The following SAMM50 variants were observed in gnomAD, a reference collection of about 807,000 sequenced individuals.
SAMM50 encodes SAMM50 sorting and assembly machinery component, also known as sorting and assembly machinery component 50 homolog.
A neutral mutation model predicts 66.9 loss-of-function variants in SAMM50; 47 were observed. The observed-to-expected ratio is 0.70, with a 90% confidence interval of 0.56 to 0.90. The LOEUF is 0.90. Among genes scored for constraint, SAMM50 ranks in the 40% least tolerant of loss-of-function variants. The probability of loss-of-function intolerance (pLI) is 0.00; values close to 1 mark genes in which losing one functional copy is unlikely to be tolerated. For missense variants in SAMM50, 535 were observed against 595.3 expected, an observed-to-expected ratio of 0.90 and a Z score of 1.05; for synonymous variants, 191 against 214.1, an observed-to-expected ratio of 0.89 and a Z score of 0.94.
At chr22:43,975,763 A>G in intron 7 of SAMM50, 1 of 305,974 alleles carries the variant, frequency 3.3e-6, no homozygotes, top group Non-Finnish European at 6.3e-6. Flanking sequence ...TCGATGATAG[A>G]GCTGCCTGCA....
intron 14 of SAMM50, among the ~76,000 whole-genome samples, chr22:43,995,707 C>T (rs1026604870): frequency 6.6e-6 from 1 of 152,214 alleles, no homozygotes; most frequent in Non-Finnish European, 1.5e-5. Flanking sequence ...TGACTGGAGC[C>T]TCTTTGCTCC....
At chr22:43,980,919 G>T (rs1466193459) in intron 10 of SAMM50, among the ~76,000 whole-genome samples, 3 of 152,236 alleles carry the variant, frequency 2.0e-5, no homozygotes, top group Non-Finnish European at 4.4e-5. Context: ...GTCCTTGAGA[G>T]TGGGGTTGGG....
intron 1 of SAMM50, 98 bp downstream of exon 1, chr22:43,955,696 C>T (rs1322333396): frequency 1.5e-6 from 2 of 1,348,872 alleles, no homozygotes; most frequent in Non-Finnish European, 2.0e-6. Context: ...CCAGGGTTCA[C>T]CGGGAGAGAG....
At chr22:43,982,328 C>T (rs2146822346) in intron 11 of SAMM50, among the ~76,000 whole-genome samples, 1 of 152,324 alleles carries the variant, frequency 6.6e-6, no homozygotes, top group South Asian at 2.1e-4. Context: ...TTTGAAACTG[C>T]CTTATGTAAG....
intron 7 of SAMM50, chr22:43,975,637 G>A (rs2050227419): frequency 1.3e-5 from 2 of 157,066 alleles, no homozygotes; most frequent in Non-Finnish European, 1.4e-5. Context: ...GGTGCAAGTC[G>A]CTGGGTTGCC....
At chr22:43,957,416 G>T in intron 1 of SAMM50, 2 of 349,910 alleles carry the variant, frequency 5.7e-6, no homozygotes, top group South Asian at 6.4e-5. Context: ...CTTGATTAAT[G>T]GTTAATTGTA....
chr22:43,959,251 T>C (rs959866308), intron 1 of SAMM50, among the ~76,000 whole-genome samples: 1 of 152,022 alleles, frequency 6.6e-6, no homozygotes, highest in African/African-American at 2.4e-5. Context: ...ACTCCTGATC[T>C]CAGGTGATCT....
intron 13 of SAMM50, among the ~76,000 whole-genome samples, chr22:43,989,627 C>T (rs1303318322): frequency 1.3e-5 from 2 of 152,078 alleles, no homozygotes; most frequent in Admixed American, 6.6e-5. Flanking sequence ...TGTGAGCCAC[C>T]GTGCCAGGCC....
At chr22:43,955,834 T>A (rs1195115198) in intron 1 of SAMM50, among the ~76,000 whole-genome samples, 2 of 152,200 alleles carry the variant, frequency 1.3e-5, no homozygotes, top group East Asian at 3.9e-4. Flanking sequence ...ACTCGGCGAG[T>A]CCGTGGCCCA....
rs1302289440 is a variant in SAMM50, at chr22:43,968,768, T to A, written c.272T>A (p.Leu91His). 2.5e-6 allele frequency: 4 copies of A among 1,613,636 alleles called. No individual in the cohort carries two copies. Among genetic ancestry groups the A allele is most frequent in the Non-Finnish European group, 8.5e-7 (1 of 1,179,478 alleles). ...RKSHEAREKL[L>H]RLGIFRQVDV... ...TCTCATGAAGCCCGTGAAAAATTGC[T>A]CCGTCTTGGAATTTTTAGACAAGTG... is the stretch of plus-strand genomic sequence containing the variant. The change falls in exon 4 of 15, where the codon CTC (leucine) becomes CAC (histidine). Residue 91 changes from leucine (L) to histidine (H), a missense_variant. By Grantham distance (99) the Leu-to-His change is moderately conservative. Coordinates refer to ENST00000350028, the MANE Select transcript of SAMM50 (RefSeq NM_015380.5).
chr22:43,960,217 C>T (rs570425578), intron 1 of SAMM50, among the ~76,000 whole-genome samples: 1 of 152,236 alleles, frequency 6.6e-6, no homozygotes, highest in Non-Finnish European at 1.5e-5. Flanking sequence ...AAATACTGCA[C>T]AACAAAATTG....
chr22:43,993,956 T>G lies in SAMM50; in HGVS notation c.1365-2382T>G, dbSNP rs142560656. 3.3e-5 allele frequency among the ~76,000 whole-genome samples: 5 copies of G among 152,350 alleles called. No homozygotes were observed. In the East Asian group the frequency reaches 9.6e-4, roughly 29 times the overall value. The stretch of plus-strand genomic sequence containing the variant: ...CCACTGTCTCTGGGATCTAACAGCA[T>G]TCTGTCAGTTTGTGTCTTAGGAGTC... On this transcript the variant is annotated intron_variant, in intron 14 of 14. Transcript: ENST00000350028.
chr22:43,968,694 A>G (rs2050187103), intron 3 of SAMM50, 37 bp from the exon 4 acceptor site: 1 of 1,410,538 alleles, frequency 7.1e-7, no homozygotes, highest in Non-Finnish European at 1.0e-6. Flanking sequence ...GTATCGTAGA[A>G]GAATATATTC....
At chr22:43,963,556 C>T (rs1260638455) in intron 2 of SAMM50, among the ~76,000 whole-genome samples, 160 bp downstream of exon 2, 2 of 152,098 alleles carry the variant, frequency 1.3e-5, no homozygotes, top group Non-Finnish European at 2.9e-5. Context: ...CTTAGAAAAA[C>T]AGTTTCTATT....
chr22:43,992,937 T>C (rs3827385), intron 14 of SAMM50, among the ~76,000 whole-genome samples: 32,419 of 152,104 alleles, frequency 0.21, 3,650 homozygotes, highest in East Asian at 0.39. Context: ...AGTGAAAAAG[T>C]GGGCACCTTT....
At chr22:43,973,102 C>A in intron 6 of SAMM50, 101 bp downstream of exon 6, 2 of 1,438,242 alleles carry the variant, frequency 1.4e-6, no homozygotes, top group Non-Finnish European at 1.9e-6. Flanking sequence ...GCTGCCACTT[C>A]TGCAGTGACC....
Position 43,981,437 on chromosome 22 carries a change from A to T in SAMM50, c.983A>T (p.Asp328Val), listed in dbSNP as rs575124332. Residue 328 changes from aspartate (D) to valine (V), a missense_variant, in exon 11 of 15, where the codon GAT becomes GTT. Transcript: ENST00000350028. Reference sequence around the variant, plus strand: ...GGCGGAATGTTGGTACCCATTGGTGATAAGCCGTCAAGCATTGCTGATAGG... The same window carrying T: ...GGCGGAATGTTGGTACCCATTGGTGTTAAGCCGTCAAGCATTGCTGATAGG... ...FWGGMLVPIG[D>V]KPSSIADRFY... The T allele has an allele frequency of 8.7e-6, 14 of 1,613,634 alleles. No individual in the cohort carries two copies. The East Asian group carries it at 2.9e-4, about 33-fold the overall frequency.
At position 43,979,874 on chromosome 22, in the gene SAMM50, C is replaced by T. The variant is rs569726793; in HGVS notation, c.937-1517C>T. On this transcript the variant is annotated intron_variant, in intron 10 of 14. Coordinates refer to ENST00000350028, the MANE Select transcript of SAMM50 (RefSeq NM_015380.5). Reference sequence around the variant, plus strand: ...AGGCACTCGTATTCACTCTGTCTGCCGCTGGCTGTAACTCCCTTTTTTTCA... The same window carrying T: ...AGGCACTCGTATTCACTCTGTCTGCTGCTGGCTGTAACTCCCTTTTTTTCA... Among the ~76,000 whole-genome samples the T allele has an allele frequency of 4.0e-5, 6 of 151,548 alleles. No homozygotes were observed. In the South Asian group the frequency reaches 1.0e-3, roughly 26 times the overall value.
rs777798922 is a variant in SAMM50, at chr22:43,973,246, A to G, written c.571A>G (p.Asn191Asp). The G allele has an allele frequency of 6.3e-7, 1 of 1,597,830 alleles. No homozygotes were observed. The highest frequency in any genetic ancestry group is 1.1e-5 in the South Asian group (1 of 90,616). ...PGNFERNFSV[N>D]LYKVTGQFPW... is the part of the protein sequence containing the mutation. Reference sequence around the variant, plus strand: ...CCCATTGTCTCCTAGTTTCTCTGTAAACTTATATAAAGTTACTGGACAGTT... The same window carrying G: ...CCCATTGTCTCCTAGTTTCTCTGTAGACTTATATAAAGTTACTGGACAGTT... The change falls in exon 7 of 15, where the codon AAC (asparagine) becomes GAC (aspartate). Residue 191 changes from asparagine (N) to aspartate (D), a missense_variant. Asn to Asp is a conservative substitution (Grantham distance 23). Coordinates refer to ENST00000350028, the MANE Select transcript of SAMM50 (RefSeq NM_015380.5).
Sources: allele counts gnomAD v4.1 joint callset (sites outside exome capture counted in the v4.1 genomes callset), GRCh38; gene constraint gnomAD v4.1.1; transcripts MANE v1.5; gene names NCBI Gene and HGNC (gene_info 2026-07-23, HGNC 2026-07-21).